ANKS1B: variants seen among roughly 807,000 people sequenced by gnomAD.
The protein encoded by ANKS1B is ankyrin repeat and sterile alpha motif domain containing 1B, also known as ankyrin repeat and sterile alpha motif domain-containing protein 1B.
A neutral mutation model predicts 148.3 loss-of-function variants in ANKS1B; 36 were observed. The observed-to-expected ratio is 0.24, with a 90% CI of 0.19 to 0.32. The LOEUF (loss-of-function observed/expected upper bound fraction) is 0.32, where lower values mean the gene tolerates loss of function less well. ANKS1B is among the 10% of genes least tolerant of loss of function. ANKS1B has a pLI of 1.00. For synonymous variants in ANKS1B, 542 were observed against 560.8 expected, an observed-to-expected ratio of 0.97 and a Z score of 0.47; for missense variants, 1,157 against 1,542.6, an observed-to-expected ratio of 0.75 and a Z score of 4.19.
At chr12:99,131,119 G>C (rs963137095) in intron 15 of ANKS1B, among the ~76,000 whole-genome samples, 1 of 152,130 alleles carries the variant, frequency 6.6e-6, no homozygotes. Flanking sequence ...GTGGCTGTTT[G>C]TTGCCTACTC....
chr12:98,742,012 ATT>A (rs1332470782), downstream of ANKS1B, among the ~76,000 whole-genome samples: 1 of 152,250 alleles, frequency 6.6e-6, no homozygotes. Flanking sequence ...TTATTACCAC[ATT>A]GTGAGCTGAC....
chr12:99,958,626 C>T (rs1016914165), intron 1 of ANKS1B, among the ~76,000 whole-genome samples: 23 of 152,180 alleles, frequency 1.5e-4, no homozygotes, highest in Admixed American at 4.6e-4. Flanking sequence ...CTCAAACAAT[C>T]CACCCACCTC....
intron 17 of ANKS1B, among the ~76,000 whole-genome samples, chr12:98,880,136 A>G (rs1045282027): frequency 6.6e-6 from 1 of 152,276 alleles, no homozygotes; most frequent in Non-Finnish European, 1.5e-5. Flanking sequence ...ATCAATCCTG[A>G]AAGTTTTATC....
chr12:98,814,113 C>T (rs1472562264), intron 19 of ANKS1B, among the ~76,000 whole-genome samples: 3 of 151,948 alleles, frequency 2.0e-5, no homozygotes, highest in African/African-American at 4.8e-5. Context: ...CTCCTGACCT[C>T]AGGTGATCTG....
In ANKS1B at chr12:99,931,467, T is replaced by C. The variant is rs182039924; in HGVS notation, c.134+52637A>G. Among the ~76,000 whole-genome samples the C allele has an allele frequency of 2.0e-5, 3 of 152,324 alleles. No homozygotes were observed. The East Asian group carries it at 5.8e-4, about 29-fold the overall frequency. ...GCAGTTCTAACCCAGGAAATATGTC[T>C]TGTAATTATGAAACTTTGATATTTT... On this transcript the variant is annotated intron_variant, in intron 1 of 26. Transcript: ENST00000683438.
At chr12:99,724,059 A>T (rs1600690327) in intron 8 of ANKS1B, among the ~76,000 whole-genome samples, 5 of 152,168 alleles carry the variant, frequency 3.3e-5, no homozygotes, top group Admixed American at 3.3e-4. Context: ...CAACAAAAAA[A>T]AAAACACTGA....
At chr12:99,814,050 T>G (rs2068777653) in intron 2 of ANKS1B, among the ~76,000 whole-genome samples, 1 of 151,736 alleles carries the variant, frequency 6.6e-6, no homozygotes, top group Non-Finnish European at 1.5e-5. Context: ...TGTGTTAAAA[T>G]TGCCTACAGT....
intron 12 of ANKS1B, among the ~76,000 whole-genome samples, chr12:99,280,224 A>C (rs969446553): frequency 6.6e-6 from 1 of 150,958 alleles, no homozygotes; most frequent in Admixed American, 6.6e-5. Context: ...GAGAAAGAGA[A>C]AGAGAGATTG....
chr12:99,836,152 G>A (rs1355885422), intron 1 of ANKS1B, among the ~76,000 whole-genome samples: 1 of 152,072 alleles, frequency 6.6e-6, no homozygotes, highest in Non-Finnish European at 1.5e-5. Context: ...TGTAGACCAT[G>A]AGCCACATCC....
intron 9 of ANKS1B, among the ~76,000 whole-genome samples, chr12:99,650,618 G>A (rs2098413088): frequency 6.6e-6 from 1 of 152,058 alleles, no homozygotes; most frequent in Non-Finnish European, 1.5e-5. Flanking sequence ...TTAATCCCCT[G>A]ACGCTATTTA....
chr12:99,162,653 G>A (rs1440224326), intron 14 of ANKS1B, among the ~76,000 whole-genome samples: 1 of 151,904 alleles, frequency 6.6e-6, no homozygotes, highest in Non-Finnish European at 1.5e-5. Context: ...CACACACAAA[G>A]GCAGATATGT....
intron 12 of ANKS1B, among the ~76,000 whole-genome samples, chr12:99,344,648 G>A (rs947925148): frequency 1.3e-5 from 2 of 151,990 alleles, no homozygotes; most frequent in African/African-American, 4.8e-5. Context: ...ACAAATACAT[G>A]AACCAAATAT....
intron 14 of ANKS1B, among the ~76,000 whole-genome samples, chr12:99,217,188 A>G (rs529177639): frequency 2.0e-5 from 3 of 152,176 alleles, no homozygotes; most frequent in Admixed American, 6.5e-5. Context: ...GCACTAAAAA[A>G]TGTACGTTAA....
intron 4 of ANKS1B, among the ~76,000 whole-genome samples, chr12:99,799,239 T>C (rs1602392253): frequency 6.6e-6 from 1 of 152,192 alleles, no homozygotes; most frequent in East Asian, 1.9e-4. Context: ...ACAGACCTTT[T>C]TCCAGAAACT....
intron 10 of ANKS1B, among the ~76,000 whole-genome samples, chr12:99,458,998 T>A (rs1393918471): frequency 6.6e-6 from 1 of 152,016 alleles, no homozygotes; most frequent in Admixed American, 6.5e-5. Flanking sequence ...TTAACATAGA[T>A]ACAAAAATCC....
At chr12:98,904,419 G>A (rs1009518567) in intron 17 of ANKS1B, among the ~76,000 whole-genome samples, 1 of 152,212 alleles carries the variant, frequency 6.6e-6, no homozygotes, top group African/African-American at 2.4e-5. Context: ...ACACATGATA[G>A]CTCTACAAAT....
intron 9 of ANKS1B, among the ~76,000 whole-genome samples, chr12:99,561,800 T>C (rs547229379): frequency 9.2e-5 from 14 of 152,310 alleles, no homozygotes; most frequent in South Asian, 2.1e-4. Context: ...ATTAACTTGG[T>C]CTAAACTCCT....
At chr12:98,858,456 C>T (rs1408522087) in intron 17 of ANKS1B, among the ~76,000 whole-genome samples, 3 of 152,228 alleles carry the variant, frequency 2.0e-5, no homozygotes, top group Non-Finnish European at 4.4e-5. Flanking sequence ...CATTCTCCCA[C>T]CTCTGCCTCC....
chr12:99,828,594 A>T (rs1195671334), intron 1 of ANKS1B, among the ~76,000 whole-genome samples: 2 of 152,214 alleles, frequency 1.3e-5, no homozygotes, highest in Non-Finnish European at 2.9e-5. Context: ...CTATGCATGG[A>T]GAAGAAATTT....
Sources: gnomAD v4.1 joint callset for allele counts (sites outside exome capture counted in the v4.1 genomes callset) on GRCh38, gnomAD v4.1.1 for gene constraint, MANE v1.5 for transcripts, NCBI Gene and HGNC (gene_info 2026-07-23, HGNC 2026-07-21) for gene names.